CHURC1: variants seen among roughly 807,000 people sequenced by gnomAD.
CHURC1 encodes protein Churchill.
A neutral mutation model predicts 15.4 loss-of-function variants in CHURC1; 12 were observed. That is an observed-to-expected ratio of 0.78 (90% CI 0.50 to 1.27). The LOEUF is 1.27. CHURC1 is among the 50% of genes most tolerant of loss of function. CHURC1 has a pLI of 0.00. For missense variants in CHURC1, 132 were observed against 137.8 expected (o/e 0.96, Z 0.21); for synonymous variants, 42 against 47.5 (o/e 0.88, Z 0.48).
At position 64,914,462 on chromosome 14, in the gene CHURC1, G is replaced by A; in HGVS notation, c.-34G>A. ...CTCGCGAGGTTTCGTCTTCCCGGAA[G>A]CGTTGGAGGACATTCCCTGTTGACT... On this transcript the variant is annotated 5_prime_UTR_variant, in exon 1 of 4. Transcript: ENST00000549115. 1 of 1,614,266 alleles carries A rather than the reference G, an allele frequency of 6.2e-7. No homozygotes were observed. Among genetic ancestry groups the A allele is most frequent in the South Asian group, 1.1e-5 (1 of 91,090 alleles).
chr14:64,922,281 T>TA (rs561684751), intron 1 of CHURC1, among the ~76,000 whole-genome samples: 43 of 149,536 alleles, frequency 2.9e-4, no homozygotes, highest in Admixed American at 8.7e-4. Context: ...TAGATTTTAT[T>TA]AAAAAAAAAA....
At chr14:64,922,057 A>G (rs965786285) in intron 1 of CHURC1, among the ~76,000 whole-genome samples, 9 of 152,188 alleles carry the variant, frequency 5.9e-5, no homozygotes, top group African/African-American at 1.7e-4. Flanking sequence ...AGAACGTGCA[A>G]GACTGGAGAT....
At chr14:64,919,160 G>T (rs1179119715) in intron 1 of CHURC1, among the ~76,000 whole-genome samples, 8 of 151,940 alleles carry the variant, frequency 5.3e-5, no homozygotes, top group African/African-American at 1.9e-4. Flanking sequence ...GTCAGAACTA[G>T]AACTCTACTA....
rs1172402751 is a variant in CHURC1, at chr14:64,927,716, A to ACC, written c.246+1646_246+1647dup. Among the ~76,000 whole-genome samples the ACC allele has an allele frequency of 9.6e-3, 388 of 40,612 alleles. 9 individuals carry two copies. The highest frequency in any genetic ancestry group is 0.025 in the African/African-American group (253 of 10,104). 26.6% of individuals were successfully genotyped at this position (40,612 alleles called of 152,430 possible). ...CTACTCCCAGTCTACTTCTCCCCCCACCCCCCCCCCCGCCGTCAATTCATA... is the reference window on the plus strand; with the variant it reads ...CTACTCCCAGTCTACTTCTCCCCCCACCCCCCCCCCCCCGCCGTCAATTCATA... On this transcript the variant is annotated intron_variant, in intron 3 of 3. Transcript: ENST00000549115.
intron 2 of CHURC1, among the ~76,000 whole-genome samples, chr14:64,924,840 T>G (rs182751318): frequency 6.6e-6 from 1 of 152,350 alleles, no homozygotes; most frequent in African/African-American, 2.4e-5. Context: ...CATTCCCTTT[T>G]TGCTTGTCTC....
At position 64,921,063 on chromosome 14, in the gene CHURC1, T is replaced by C. The variant is rs141229304; in HGVS notation, c.40-2928T>C. On this transcript the variant is annotated intron_variant, in intron 1 of 3. Coordinates refer to ENST00000549115, the MANE Select transcript of CHURC1 (RefSeq NM_001386928.1). ...AAGCAGACCCACATATATATGGTCA[T>C]TGACTTTTTTCTACAAAAGCACCAT... Among the ~76,000 whole-genome samples, 87 of 152,344 alleles carry C rather than the reference T, an allele frequency of 5.7e-4. No homozygotes were observed. In the East Asian group the frequency reaches 0.013, roughly 24 times the overall value.
At chr14:64,919,108 A>G (rs746215429) in intron 1 of CHURC1, among the ~76,000 whole-genome samples, 5 of 152,162 alleles carry the variant, frequency 3.3e-5, no homozygotes, top group Non-Finnish European at 7.4e-5. Flanking sequence ...TCAATGGTGA[A>G]CCACATTTTT....
chr14:64,929,182 T>C (rs1884930394), intron 3 of CHURC1, among the ~76,000 whole-genome samples: 1 of 152,206 alleles, frequency 6.6e-6, no homozygotes, highest in East Asian at 1.9e-4. Flanking sequence ...ACAAACCAAA[T>C]GTAGCTTCCT....
intron 1 of CHURC1, among the ~76,000 whole-genome samples, chr14:64,923,378 A>G (rs1884459213): frequency 6.6e-6 from 1 of 152,080 alleles, no homozygotes; most frequent in Non-Finnish European, 1.5e-5. Flanking sequence ...GTAAAGATGT[A>G]AAACCCATTC....
At chr14:64,926,879 A>G (rs1479641541) in intron 3 of CHURC1, among the ~76,000 whole-genome samples, 1 of 152,220 alleles carries the variant, frequency 6.6e-6, no homozygotes, top group Non-Finnish European at 1.5e-5. Context: ...TGCTGAAGAT[A>G]CACAGGTCTG....
chr14:64,919,996 T>G (rs1434514926), intron 1 of CHURC1, among the ~76,000 whole-genome samples: 1 of 151,868 alleles, frequency 6.6e-6, no homozygotes, highest in East Asian at 1.9e-4. Context: ...GAGAATACAG[T>G]AGAGAAAATC....
Position 64,934,886 on chromosome 14 carries a change from CCTCT to C in CHURC1, c.*2661_*2664del, listed in dbSNP as rs1185700591. 13 of 983,762 alleles carry C rather than the reference CCTCT, an allele frequency of 1.3e-5. No homozygotes were observed. Among genetic ancestry groups the C allele is most frequent in the African/African-American group, 1.7e-5 (1 of 57,156 alleles). The allele number at this position is 983,762 out of a possible 1,614,324, so 60.9% of individuals were successfully genotyped here. On this transcript the variant is annotated 3_prime_UTR_variant, in exon 4 of 4. Transcript: ENST00000549115. ...GTTACAAAAATTTAAAACATAAGAT[CCTCT>C]CTCTATATTTCATTATTGGTGAACC...
rs768533483 is a variant in CHURC1 at position 64,921,756 on chromosome 14, T to C, written c.40-2235T>C. Among the ~76,000 whole-genome samples, 147 of 152,330 alleles carry C rather than the reference T, an allele frequency of 9.7e-4. No individual in the cohort carries two copies. The Middle Eastern group carries it at 0.01, about 11-fold the overall frequency. ...GTTTCTTGTAAAGTTAAATATACCATATTTTTACCATATTAGCAATTCCAC... is the reference window on the plus strand; with the variant it reads ...GTTTCTTGTAAAGTTAAATATACCACATTTTTACCATATTAGCAATTCCAC... On this transcript the variant is annotated intron_variant, in intron 1 of 3. Coordinates refer to ENST00000549115, the MANE Select transcript of CHURC1 (RefSeq NM_001386928.1).
In CHURC1 at chr14:64,933,764, G is replaced by A. The variant is rs1885202137; in HGVS notation, c.*1534G>A. 1 of 985,256 alleles carries A rather than the reference G, an allele frequency of 1.0e-6. No individual in the cohort carries two copies. The allele number at this position is 985,256 out of a possible 1,614,324, so 61.0% of individuals were successfully genotyped here. Reference sequence around the variant, plus strand: ...GAAATTCTGAACTAAGGTCTTATAAGAACAAGAAATGAGCAAAGTGTTCAT... The same window carrying A: ...GAAATTCTGAACTAAGGTCTTATAAAAACAAGAAATGAGCAAAGTGTTCAT... On this transcript the variant is annotated 3_prime_UTR_variant, in exon 4 of 4. Coordinates refer to ENST00000549115, the MANE Select transcript of CHURC1 (RefSeq NM_001386928.1).
At chr14:64,918,457 C>T (rs2139880594) in intron 1 of CHURC1, among the ~76,000 whole-genome samples, 1 of 152,244 alleles carries the variant, frequency 6.6e-6, no homozygotes, top group Admixed American at 6.5e-5. Flanking sequence ...AAGTCATGAC[C>T]TATTTTTAAG....
In CHURC1 at chr14:64,934,814, C is replaced by T; in HGVS notation, c.*2584C>T. 10 of 985,292 alleles carry T rather than the reference C, an allele frequency of 1.0e-5. No homozygotes were observed. Among genetic ancestry groups the T allele is most frequent in the Non-Finnish European group, 1.2e-5 (10 of 829,844 alleles). 61.0% of individuals were successfully genotyped at this position (985,292 alleles called of 1,614,324 possible). ...TAATTTTATATGCCCTGCCAATGTC[C>T]TCATCTATTGCAGAATGTATAATTA... is the stretch of plus-strand genomic sequence containing the variant. On this transcript the variant is annotated 3_prime_UTR_variant, in exon 4 of 4. Coordinates refer to ENST00000549115, the MANE Select transcript of CHURC1 (RefSeq NM_001386928.1).
chr14:64,928,067 A>G (rs767240801), intron 3 of CHURC1, among the ~76,000 whole-genome samples: 13 of 151,950 alleles, frequency 8.6e-5, no homozygotes, highest in Non-Finnish European at 1.5e-4. Flanking sequence ...TGTACACCAT[A>G]CTTAGCATTG....
chr14:64,924,320 T>G, intron 2 of CHURC1, 194 bp downstream of exon 2: 1 of 584,424 alleles, frequency 1.7e-6, no homozygotes, highest in South Asian at 7.5e-5. Context: ...TAAATGACTT[T>G]TGCAGATAAC....
rs955700101 is a variant in CHURC1, at chr14:64,934,376, A to C, written c.*2146A>C. 1 of 951,574 alleles carries C rather than the reference A, an allele frequency of 1.1e-6. No homozygotes were observed. Among genetic ancestry groups the C allele is most frequent in the Non-Finnish European group, 1.3e-6 (1 of 799,268 alleles). 58.9% of individuals were successfully genotyped at this position (951,574 alleles called of 1,614,324 possible). On this transcript the variant is annotated 3_prime_UTR_variant, in exon 4 of 4. Transcript: ENST00000549115. ...AACAAAAACAAAACAAAACAACAAC[A>C]AAAAAAGAAGTTAAATAACTTGTTT...
Sources: gnomAD v4.1 joint callset for allele counts (sites outside exome capture counted in the v4.1 genomes callset) on GRCh38, gnomAD v4.1.1 for gene constraint, MANE v1.5 for transcripts, NCBI Gene and HGNC (gene_info 2026-07-23, HGNC 2026-07-21) for gene names.